Variants in PTPRO observed in about 807,000 individuals in gnomAD.
PTPRO encodes the protein receptor-type tyrosine-protein phosphatase O.
PTPRO carries 62 observed loss-of-function variants against 145.2 expected under a neutral mutation model. That is an observed-to-expected ratio of 0.43 (90% CI 0.35 to 0.53). The LOEUF is 0.53. Among genes scored for constraint, PTPRO ranks in the 20% least tolerant of loss-of-function variants. The probability of loss-of-function intolerance (pLI) is 0.01; values close to 1 mark genes in which losing one functional copy is unlikely to be tolerated. For missense variants in PTPRO, 1,345 were observed against 1,482.7 expected (o/e 0.91, Z 1.53); for synonymous variants, 565 against 514.7 (o/e 1.10, Z -1.32).
chr12:15,539,719 G>A (rs762686449), intron 12 of PTPRO, among the ~76,000 whole-genome samples: 18 of 114,024 alleles, frequency 1.6e-4, no homozygotes, highest in South Asian at 9.6e-4. Context: ...CTGAGATTGC[G>A]CCGCTGCACT....
intron 1 of PTPRO, among the ~76,000 whole-genome samples, chr12:15,475,498 A>G (rs1488634202): frequency 6.6e-6 from 1 of 152,200 alleles, no homozygotes; most frequent in Non-Finnish European, 1.5e-5. Flanking sequence ...ATTTCTATTT[A>G]TATTTGTGGA....
At chr12:15,514,757 A>T (rs943006077) in intron 7 of PTPRO, among the ~76,000 whole-genome samples, 32 of 151,436 alleles carry the variant, frequency 2.1e-4, no homozygotes, top group African/African-American at 5.6e-4. Context: ...TATTTATTTT[A>T]TTTATTTTTT....
intron 26 of PTPRO, chr12:15,595,822 G>C (rs1944648604): frequency 6.6e-6 from 1 of 152,494 alleles, no homozygotes; most frequent in South Asian, 2.1e-4. Context: ...GATAGGATTA[G>C]CACTGCACCT....
At chr12:15,488,149 G>A (rs1248937073) in intron 2 of PTPRO, among the ~76,000 whole-genome samples, 2 of 152,162 alleles carry the variant, frequency 1.3e-5, no homozygotes, top group Non-Finnish European at 2.9e-5. Flanking sequence ...TGGAGAAGAA[G>A]TGATGTTGTC....
At chr12:15,516,631 A>AAGGG (rs1491523040) in intron 8 of PTPRO, 132 bp from the exon 9 acceptor site, 9 of 703,434 alleles carry the variant, frequency 1.3e-5, no homozygotes, top group Non-Finnish European at 2.2e-5. Flanking sequence ...GGAAGGAAGG[A>AAGGG]AGGAAGGGAG....
chr12:15,417,210 A>G (rs1422262727), intron 1 of PTPRO, among the ~76,000 whole-genome samples: 1 of 151,688 alleles, frequency 6.6e-6, no homozygotes, highest in Non-Finnish European at 1.5e-5. Flanking sequence ...TAATGGACAT[A>G]CAGCCTGATA....
chr12:15,491,161 C>G (rs1007467433), intron 2 of PTPRO, among the ~76,000 whole-genome samples: 4 of 152,120 alleles, frequency 2.6e-5, no homozygotes, highest in African/African-American at 7.2e-5. Flanking sequence ...TCAGTCCAGT[C>G]TCTTTTCCCT....
chr12:15,420,146 C>G (rs1307234732), intron 1 of PTPRO, among the ~76,000 whole-genome samples: 3 of 42,124 alleles, frequency 7.1e-5, no homozygotes, highest in African/African-American at 3.5e-4. Context: ...GACTCCGACT[C>G]AGAAAAAAAA....
intron 1 of PTPRO, among the ~76,000 whole-genome samples, chr12:15,439,175 G>C (rs1393481027): frequency 6.6e-6 from 1 of 151,984 alleles, no homozygotes; most frequent in African/African-American, 2.4e-5. Flanking sequence ...TCTCAACAAA[G>C]GTTTATAAGT....
At chr12:15,425,073 C>T (rs1940248248) in intron 1 of PTPRO, among the ~76,000 whole-genome samples, 1 of 152,122 alleles carries the variant, frequency 6.6e-6, no homozygotes. Flanking sequence ...ACACCTTTCA[C>T]ATATTTGTTG....
rs1185787558 is a variant in PTPRO, at chr12:15,497,252, A to C, written c.357A>C (p.Leu119=). ...TTTACTTCACTTCTGTAGAACCTCTACCTGTAACCAGTGTTTCCATATATG... is the reference window on the plus strand; with the variant it reads ...TTTACTTCACTTCTGTAGAACCTCTCCCTGTAACCAGTGTTTCCATATATG... ...SRSITVLTKP[L]PVTSVSIYDY... Residue 119 remains leucine (L), a synonymous_variant, in exon 3 of 27, where the codon CTA becomes CTC. Transcript: ENST00000281171. 2.5e-6 allele frequency: 4 copies of C among 1,568,678 alleles called. No homozygotes were observed. Among genetic ancestry groups the C allele is most frequent in the Non-Finnish European group, 3.5e-6 (4 of 1,139,576 alleles).
Position 15,484,089 on chromosome 12 carries a change from C to T in PTPRO, c.191C>T (p.Ser64Phe). ...TATGTTGTGAAGATAACTGGTGAAT[C>T]CAAAAATTATTTCTTCGAATTTGAG... ...SVYVVKITGE[S>F]KNYFFEFEEF... The change falls in exon 2 of 27, where the codon TCC becomes TTC. Residue 64 changes from serine to phenylalanine, a missense_variant. Ser to Phe is a radical substitution (Grantham distance 155). Around this residue, in one of 3 missense-constraint regions of PTPRO, gnomAD observed 1,130 missense variants for 1,214.7 expected, o/e 0.93. Transcript: ENST00000281171. 6.2e-7 allele frequency: 1 copy of T among 1,613,740 alleles called. No homozygotes were observed. Among genetic ancestry groups the T allele is most frequent in the South Asian group, 1.1e-5 (1 of 91,066 alleles).
intron 1 of PTPRO, among the ~76,000 whole-genome samples, chr12:15,363,162 A>G (rs1187353745): frequency 6.6e-6 from 1 of 152,208 alleles, no homozygotes; most frequent in Non-Finnish European, 1.5e-5. Flanking sequence ...ACCAGAGCTT[A>G]GTTTCTACAT....
intron 1 of PTPRO, among the ~76,000 whole-genome samples, chr12:15,342,030 C>T (rs1489833565): frequency 6.6e-6 from 1 of 152,176 alleles, no homozygotes; most frequent in African/African-American, 2.4e-5. Context: ...GTTTCATTGA[C>T]TCTGGGAGAG....
At chr12:15,517,018 A>G (rs1463290554) in intron 9 of PTPRO, 62 bp downstream of exon 9, 2 of 1,397,384 alleles carry the variant, frequency 1.4e-6, no homozygotes, top group Non-Finnish European at 2.0e-6. Context: ...TTTATGTACC[A>G]AATGTGTCTT....
At chr12:15,326,822 T>C (rs1188067460) in intron 1 of PTPRO, among the ~76,000 whole-genome samples, 4 of 152,194 alleles carry the variant, frequency 2.6e-5, no homozygotes, top group South Asian at 2.1e-4. Flanking sequence ...CCGTACACAG[T>C]TTCAGTGATG....
chr12:15,535,473 C>T (rs1943048676), intron 12 of PTPRO, among the ~76,000 whole-genome samples: 1 of 152,176 alleles, frequency 6.6e-6, no homozygotes, highest in African/African-American at 2.4e-5. Flanking sequence ...CATCATCAAA[C>T]TTATGCTTTA....
rs1229445602 is a variant in PTPRO, at chr12:15,420,117, A to G, written c.76-63857A>G. ...AGCGGAGATCGCACCACTGCACTCT[A>G]GCCTGGGCGAAAGAGCGAGACTCCG... On this transcript the variant is annotated intron_variant, in intron 1 of 26. Coordinates refer to ENST00000281171, the MANE Select transcript of PTPRO (RefSeq NM_030667.3). 2.4e-5 allele frequency among the ~76,000 whole-genome samples: 3 copies of G among 125,596 alleles called. 1 individual carries two copies. The highest frequency in any genetic ancestry group is 0.013 in the Middle Eastern group (2 of 150). The allele number at this position is 125,596 out of a possible 152,430, so 82.4% of individuals were successfully genotyped here.
In PTPRO at chr12:15,498,794, ATAAT is replaced by A. The variant is rs539567913; in HGVS notation, c.509-643_509-640del. ...TTTGTTAACAATCATAAATTTTAAAATAATTAATATAATCCCATTCTTAAGTCAA... is the reference window on the plus strand; with the variant it reads ...TTTGTTAACAATCATAAATTTTAAAATAATATAATCCCATTCTTAAGTCAA... On this transcript the variant is annotated intron_variant, in intron 3 of 26. Coordinates refer to ENST00000281171, the MANE Select transcript of PTPRO (RefSeq NM_030667.3). 2.4e-3 allele frequency among the ~76,000 whole-genome samples: 364 copies of A among 152,332 alleles called. 1 individual carries two copies. The highest frequency in any genetic ancestry group is 8.3e-3 in the African/African-American group (346 of 41,576).
Sources: gnomAD v4.1 joint callset for allele counts (sites outside exome capture counted in the v4.1 genomes callset) on GRCh38, gnomAD v4.1.1 for gene constraint, gnomAD v4.1.1 regional missense constraint, MANE v1.5 for transcripts, NCBI Gene and HGNC (gene_info 2026-07-23, HGNC 2026-07-21) for gene names.